ERAP1: variants seen among roughly 807,000 people sequenced by gnomAD.
ERAP1 encodes adipocyte-derived leucine aminopeptidase.
ERAP1 carries 86 observed loss-of-function variants against 103.7 expected under a neutral mutation model. The ratio of observed to expected loss-of-function variants is 0.83; its 90% CI spans 0.70 to 0.99. ERAP1 has a LOEUF of 0.99. Among genes scored for constraint, ERAP1 ranks in the 50% least tolerant of loss-of-function variants. The probability of loss-of-function intolerance (pLI) is 0.00; values close to 1 mark genes in which losing one functional copy is unlikely to be tolerated. For missense variants in ERAP1, 1,009 were observed against 1,128.4 expected, an observed-to-expected ratio of 0.89 and a Z score of 1.52; for synonymous variants, 398 against 402.4, an observed-to-expected ratio of 0.99 and a Z score of 0.13.
the ERAP1 span, among the ~76,000 whole-genome samples, chr5:96,859,331 C>T: frequency 2.0e-5 from 3 of 152,252 alleles, no homozygotes; most frequent in South Asian, 2.1e-4. Context: ...CAGGGGGCCA[C>T]ATTCACCTTC....
chr5:96,896,367 G>A, the ERAP1 span: 1 of 1,605,620 alleles, frequency 6.2e-7, no homozygotes, highest in South Asian at 1.1e-5. Flanking sequence ...TTTTCTCCCT[G>A]TTTAGGATGA....
At chr5:96,927,101 G>T in the ERAP1 span, among the ~76,000 whole-genome samples, 1 of 152,186 alleles carries the variant, frequency 6.6e-6, no homozygotes, top group African/African-American at 2.4e-5. Context: ...ACAGGTGTGA[G>T]CCACCACACC....
At position 96,797,221 on chromosome 5, in the gene ERAP1, A is replaced by G. The variant is rs1424134214; in HGVS notation, c.752T>C (p.Ile251Thr). The change falls in exon 4 of 19, where the codon ATT (isoleucine) becomes ACT (threonine). Residue 251 changes from isoleucine (I) to threonine (T), a missense_variant. Coordinates refer to ENST00000443439, the MANE Select transcript of ERAP1 (RefSeq NM_001040458.3). Reference sequence around the variant, plus strand: ...CTTGCTGACAGACTCAAAATCTGAAATGATGAAGGCCACCAGATAGGTGCT... The same window carrying G: ...CTTGCTGACAGACTCAAAATCTGAAGTGATGAAGGCCACCAGATAGGTGCT... Reference protein sequence around the residue: ...KMSTYLVAFIISDFESVSKIT... With the variant: ...KMSTYLVAFITSDFESVSKIT... 1 of 1,614,110 alleles carries G rather than the reference A, an allele frequency of 6.2e-7. No individual in the cohort carries two copies.
At chr5:96,818,846 C>T in the ERAP1 span, among the ~76,000 whole-genome samples, 1 of 152,050 alleles carries the variant, frequency 6.6e-6, no homozygotes, top group Non-Finnish European at 1.5e-5. Context: ...TTTGCTTTCC[C>T]ATACATTGAG....
At chr5:96,926,747 G>A in the ERAP1 span, among the ~76,000 whole-genome samples, 4 of 152,048 alleles carry the variant, frequency 2.6e-5, no homozygotes, top group Non-Finnish European at 5.9e-5. Context: ...GTTGATGGAC[G>A]TTTGTGTTGT....
rs771738565 is a variant in ERAP1 at position 96,795,139 on chromosome 5, G to C, written c.822C>G (p.Asp274Glu). ...GVKVSVYAVP[D>E]KINQADYALD... ...GTGCATAATCTGCTTGATTTATCTT[G>C]TCTGGCACAGCATAAACAGAAACCT... is the stretch of plus-strand genomic sequence containing the variant. Residue 274 changes from aspartate (D) to glutamate (E), a missense_variant, in exon 5 of 19, where the codon GAC (aspartate) becomes GAG (glutamate). By Grantham distance (45) the Asp-to-Glu change is conservative. Coordinates refer to ENST00000443439, the MANE Select transcript of ERAP1 (RefSeq NM_001040458.3). 11 of 1,613,568 alleles carry C rather than the reference G, an allele frequency of 6.8e-6. No individual in the cohort carries two copies. The African/African-American group carries it at 1.5e-4, about 22-fold the overall frequency.
the ERAP1 span, among the ~76,000 whole-genome samples, chr5:96,868,852 AT>A: frequency 6.6e-6 from 1 of 152,140 alleles, no homozygotes; most frequent in East Asian, 1.9e-4. Context: ...AAGCATTCAA[AT>A]TAGATTTAGT....
intron 1 of ERAP1, among the ~76,000 whole-genome samples, chr5:96,807,305 G>A (rs1409660703): frequency 6.6e-6 from 1 of 152,186 alleles, no homozygotes; most frequent in East Asian, 1.9e-4. Context: ...GTGACCTTAA[G>A]AACACACACG....
chr5:96,883,473 C>A, the ERAP1 span, among the ~76,000 whole-genome samples: 1 of 152,150 alleles, frequency 6.6e-6, no homozygotes, highest in African/African-American at 2.4e-5. Flanking sequence ...AACATGTGTA[C>A]TATTTCAGTC....
chr5:96,856,361 T>TAGAGAG, the ERAP1 span, among the ~76,000 whole-genome samples: 1 of 31,542 alleles, frequency 3.2e-5, no homozygotes, highest in African/African-American at 1.0e-4. Context: ...TATATATATA[T>TAGAGAG]ATATAGAGAG....
At chr5:96,886,586 A>C in the ERAP1 span, 9 of 1,348,586 alleles carry the variant, frequency 6.7e-6, no homozygotes, top group Admixed American at 1.7e-4. Flanking sequence ...CTCACCTGCC[A>C]TAAGTCATAG....
chr5:96,852,375 A>G, the ERAP1 span, among the ~76,000 whole-genome samples: 1 of 152,172 alleles, frequency 6.6e-6, no homozygotes, highest in African/African-American at 2.4e-5. Context: ...GTAGTACAGA[A>G]ACCCTGATGT....
chr5:96,792,458 A>T (rs1776836114), intron 7 of ERAP1, among the ~76,000 whole-genome samples: 1 of 152,244 alleles, frequency 6.6e-6, no homozygotes, highest in Non-Finnish European at 1.5e-5. Context: ...TCTAAAAACG[A>T]AACAATTATG....
intron 19 of ERAP1, among the ~76,000 whole-genome samples, chr5:96,765,592 A>G (rs1769643469): frequency 6.6e-6 from 1 of 152,178 alleles, no homozygotes; most frequent in African/African-American, 2.4e-5. Flanking sequence ...CAACACAAGC[A>G]GTCAGCACAT....
At chr5:96,912,876 A>G in the ERAP1 span, 1 of 1,171,210 alleles carries the variant, frequency 8.5e-7, no homozygotes, top group Non-Finnish European at 1.2e-6. Context: ...TTCAGCCACC[A>G]GTTTTAAAGG....
the ERAP1 span, among the ~76,000 whole-genome samples, chr5:96,875,756 C>T: frequency 6.6e-6 from 1 of 152,116 alleles, no homozygotes. Context: ...ACTGTTGGTC[C>T]ATCAGGCTGT....
chr5:96,894,295 C>T, the ERAP1 span, among the ~76,000 whole-genome samples: 1 of 152,218 alleles, frequency 6.6e-6, no homozygotes, highest in African/African-American at 2.4e-5. Flanking sequence ...GGAAACACCT[C>T]TCCCTTTCCA....
At chr5:96,924,759 G>C in the ERAP1 span, among the ~76,000 whole-genome samples, 10 of 152,200 alleles carry the variant, frequency 6.6e-5, no homozygotes, top group Non-Finnish European at 1.5e-5. Flanking sequence ...TACCATGCCA[G>C]GCTAATTTTT....
the ERAP1 span, chr5:96,881,351 A>C: frequency 2.2e-6 from 1 of 451,498 alleles, no homozygotes. Flanking sequence ...TGAACTTGGC[A>C]GTTATTTTGG....
Sources: allele counts gnomAD v4.1 joint callset (sites outside exome capture counted in the v4.1 genomes callset), GRCh38; gene constraint gnomAD v4.1.1; transcripts MANE v1.5; gene names NCBI Gene and HGNC (gene_info 2026-07-23, HGNC 2026-07-21).